ZNF469: variants seen among roughly 807,000 people sequenced by gnomAD.
ZNF469 encodes zinc finger protein 469.
Under a neutral mutation model 1.0 loss-of-function variants are expected in ZNF469, and 1 was observed. The observed-to-expected ratio is 1.00, with a 90% CI of 0.35 to 4.73. ZNF469 has a LOEUF of 4.73. ZNF469 is among the 30% of genes most tolerant of loss of function. The pLI is 0.16. For missense variants in ZNF469, 6,100 were observed against 5,356.3 expected (o/e 1.14, Z -4.33); for synonymous variants, 2,703 against 2,363.4 (o/e 1.14, Z -4.17).
At chr16:88,286,943 G>A in the ZNF469 span, among the ~76,000 whole-genome samples, 1 of 152,230 alleles carries the variant, frequency 6.6e-6, no homozygotes, top group East Asian at 1.9e-4. Flanking sequence ...CAGGGGGAGT[G>A]TGTATGAGAC....
chr16:88,234,812 C>A, the ZNF469 span: 6 of 152,220 alleles, frequency 3.9e-5, no homozygotes, highest in Admixed American at 1.3e-4. Context: ...GGCCTCGTTC[C>A]CATCAGATAA....
the ZNF469 span, among the ~76,000 whole-genome samples, chr16:88,162,143 C>T: frequency 6.6e-6 from 1 of 152,148 alleles, no homozygotes; most frequent in Non-Finnish European, 1.5e-5. Flanking sequence ...CACATGGAAA[C>T]ATGAGAGTTG....
chr16:88,299,703 G>A, the ZNF469 span, among the ~76,000 whole-genome samples: 5 of 152,170 alleles, frequency 3.3e-5, no homozygotes, highest in Non-Finnish European at 7.4e-5. Context: ...ATGAGCTGCT[G>A]GGAGGTCTTC....
rs1421497783 is a variant in ZNF469 at position 88,436,181 on chromosome 16, G to A, written c.8711G>A (p.Gly2904Asp). Residue 2904 changes from glycine (G) to aspartate (D), a missense_variant, in exon 3 of 3, where the codon GGC becomes GAC. Coordinates refer to ENST00000565624, the MANE Select transcript of ZNF469 (RefSeq NM_001367624.2). The stretch of plus-strand genomic sequence containing the variant: ...GAGGAGGGCGGTGACCCCACGCTGG[G>A]CCCAGCCCGCCTGCCCACGGACCTC... ...SFEEGGDPTL[G>D]PARLPTDLSD... The A allele has an allele frequency of 1.3e-6, 2 of 1,547,540 alleles. No individual in the cohort carries two copies. Among genetic ancestry groups the A allele is most frequent in the Non-Finnish European group, 8.7e-7 (1 of 1,146,908 alleles).
At chr16:88,218,763 G>T in the ZNF469 span, among the ~76,000 whole-genome samples, 1 of 151,820 alleles carries the variant, frequency 6.6e-6, no homozygotes, top group Admixed American at 6.6e-5. Context: ...GGAAGTTCTG[G>T]CCAGGGCAAT....
Position 88,436,876 on chromosome 16 carries a change from G to T in ZNF469, c.9406G>T (p.Ala3136Ser), listed in dbSNP as rs1410493933. 1.3e-6 allele frequency: 2 copies of T among 1,513,528 alleles called. No individual in the cohort carries two copies. Among genetic ancestry groups the T allele is most frequent in the Admixed American group, 4.2e-5 (2 of 47,362 alleles). The allele number at this position is 1,513,528 out of a possible 1,614,324, so 93.8% of individuals were successfully genotyped here. A position where few individuals can be genotyped will look rare whatever the true frequency, so the allele number is the denominator to read the frequency against. The change falls in exon 3 of 3, where the codon GCC (alanine) becomes TCC (serine). Residue 3136 changes from alanine to serine, a missense_variant. Transcript: ENST00000565624. ...GGGCGAGCTGGACCTGCACAAGCTG[G>T]CCCACACGCCCGCGCCGCCGCCCAC... is the stretch of plus-strand genomic sequence containing the variant. The part of the protein sequence containing the change: ...SLGELDLHKL[A>S]HTPAPPPTCY...
At chr16:88,279,080 GCGCCA>G in the ZNF469 span, among the ~76,000 whole-genome samples, 2,597 of 126,480 alleles carry the variant, frequency 0.021, 209 homozygotes, top group East Asian at 0.03. Flanking sequence ...GGTTAGTGCT[GCGCCA>G]TGCCGACACT....
the ZNF469 span, among the ~76,000 whole-genome samples, chr16:88,213,389 G>C: frequency 6.6e-6 from 1 of 152,132 alleles, no homozygotes; most frequent in Non-Finnish European, 1.5e-5. Flanking sequence ...ATGAGCCACC[G>C]CGCCCGGCCT....
intron 1 of ZNF469, among the ~76,000 whole-genome samples, chr16:88,409,200 G>A (rs1475590368): frequency 1.3e-5 from 2 of 152,244 alleles, no homozygotes; most frequent in Admixed American, 1.3e-4. Context: ...CAGCATTCAG[G>A]GAGGGTCAGT....
the ZNF469 span, among the ~76,000 whole-genome samples, chr16:88,134,060 T>C: frequency 6.6e-6 from 1 of 152,118 alleles, no homozygotes; most frequent in Non-Finnish European, 1.5e-5. Context: ...ATTGTGCCAC[T>C]GCACTCCAGC....
At chr16:88,292,536 C>T in the ZNF469 span, among the ~76,000 whole-genome samples, 374 of 152,126 alleles carry the variant, frequency 2.5e-3, 1 homozygote, top group East Asian at 0.013. Flanking sequence ...ACATGTGTGA[C>T]GCACGTGGGG....
At chr16:88,313,160 C>T in the ZNF469 span, among the ~76,000 whole-genome samples, 17 of 152,092 alleles carry the variant, frequency 1.1e-4, no homozygotes, top group African/African-American at 2.4e-5. Flanking sequence ...GGCTGAGGCA[C>T]ATTTCCTAAG....
At chr16:88,122,068 C>G in the ZNF469 span, among the ~76,000 whole-genome samples, 1 of 149,564 alleles carries the variant, frequency 6.7e-6, no homozygotes, top group Non-Finnish European at 1.5e-5. Flanking sequence ...TGATCGCACC[C>G]TGTCACTTGC....
the ZNF469 span, among the ~76,000 whole-genome samples, chr16:88,200,147 G>C: frequency 6.6e-6 from 1 of 152,170 alleles, no homozygotes; most frequent in Admixed American, 6.5e-5. Flanking sequence ...CGGCAGTGGG[G>C]TGTGTGTCAG....
the ZNF469 span, among the ~76,000 whole-genome samples, chr16:88,215,860 G>A: frequency 6.6e-6 from 1 of 151,976 alleles, no homozygotes; most frequent in African/African-American, 2.4e-5. Context: ...ATGTTTTTGT[G>A]GTCTTGCATT....
chr16:88,401,949 TG>T (rs1567501830), intron 1 of ZNF469, among the ~76,000 whole-genome samples: 32 of 23,480 alleles, frequency 1.4e-3, no homozygotes, highest in Non-Finnish European at 2.7e-3. Context: ...CGTGGGTGGA[TG>T]GGAAGATGGA....
At chr16:88,364,183 T>C in the ZNF469 span, among the ~76,000 whole-genome samples, 2 of 152,220 alleles carry the variant, frequency 1.3e-5, no homozygotes, top group Non-Finnish European at 2.9e-5. Flanking sequence ...CAACATTCAG[T>C]ACTCAGTTGA....
chr16:88,256,895 C>T, the ZNF469 span, among the ~76,000 whole-genome samples: 8,372 of 50,606 alleles, frequency 0.17, 1,598 homozygotes, highest in East Asian at 0.25. Context: ...CTTTTCTTTC[C>T]TTCTTTCTTT....
At chr16:88,247,325 ATGG>A in the ZNF469 span, among the ~76,000 whole-genome samples, 9 of 92,302 alleles carry the variant, frequency 9.8e-5, no homozygotes, top group South Asian at 1.8e-3. Flanking sequence ...GAGTGAGTGA[ATGG>A]TGAATGAGTG....
Sources: gnomAD v4.1 joint callset for allele counts (sites outside exome capture counted in the v4.1 genomes callset) on GRCh38, gnomAD v4.1.1 for gene constraint, MANE v1.5 for transcripts, NCBI Gene and HGNC (gene_info 2026-07-23, HGNC 2026-07-21) for gene names.